Variants in SLC25A29 observed in about 807,000 individuals in gnomAD.
SLC25A29 encodes solute carrier family 25 member 29.
Under a neutral mutation model 10.0 loss-of-function variants are expected in SLC25A29, and 13 were observed. That is an observed-to-expected ratio of 1.30 (90% CI 0.85 to 2.07). The LOEUF (loss-of-function observed/expected upper bound fraction) is 2.07, where lower values mean the gene tolerates loss of function less well. SLC25A29 is among the 30% of genes most tolerant of loss of function. The pLI is 0.00. For synonymous variants in SLC25A29, 244 were observed against 221.1 expected (o/e 1.10, Z -0.92); for missense variants, 475 against 447.6 (o/e 1.06, Z -0.55).
the SLC25A29 span, chr14:100,281,061 CAAAAAAAAAAAA>C: frequency 2.6e-4 from 26 of 100,902 alleles, no homozygotes; most frequent in African/African-American, 1.2e-3. Flanking sequence ...CTCCGTCTCC[CAAAAAAAAAAAA>C]AAAAAAAAAA....
intron 1 of SLC25A29, among the ~76,000 whole-genome samples, chr14:100,304,411 C>T (rs1009501514): frequency 6.6e-6 from 1 of 152,314 alleles, no homozygotes; most frequent in South Asian, 2.1e-4. Flanking sequence ...TGCTTTAGTA[C>T]CCCCACCTCT....
At chr14:100,295,932 T>C in intron 2 of SLC25A29, 1 of 1,289,660 alleles carries the variant, frequency 7.8e-7, no homozygotes, top group Non-Finnish European at 1.0e-6. Context: ...TTCAGGACGG[T>C]GGCTGTGGTT....
At chr14:100,287,635 C>CT (rs1384166814), downstream of SLC25A29, among the ~76,000 whole-genome samples, 3 of 111,322 alleles carry the variant, frequency 2.7e-5, no homozygotes, top group Admixed American at 2.7e-4. Flanking sequence ...ACCACCCCCC[C>CT]CCTCCGAATT....
At chr14:100,288,524 C>T (rs900184245), downstream of SLC25A29, among the ~76,000 whole-genome samples, 3 of 152,068 alleles carry the variant, frequency 2.0e-5, no homozygotes, top group East Asian at 1.9e-4. Flanking sequence ...CCATGTGACC[C>T]GCCCTGGTGG....
At chr14:100,284,771 G>A in the SLC25A29 span, among the ~76,000 whole-genome samples, 1 of 152,224 alleles carries the variant, frequency 6.6e-6, no homozygotes, top group East Asian at 1.9e-4. Context: ...CGGACGCGGT[G>A]GCTCATGCCT....
At chr14:100,289,609 G>A (rs998369921), downstream of SLC25A29, among the ~76,000 whole-genome samples, 8 of 152,138 alleles carry the variant, frequency 5.3e-5, no homozygotes, top group African/African-American at 1.9e-4. Context: ...TTGGGAGGCT[G>A]AGGCGGGTGG....
At chr14:100,281,052 TC>T in the SLC25A29 span, 1 of 79,838 alleles carries the variant, frequency 1.3e-5, no homozygotes, top group African/African-American at 5.6e-5. Flanking sequence ...AGAGCAAGAC[TC>T]CGTCTCCCAA....
chr14:100,290,947 A>G (rs1203097497), downstream of SLC25A29, among the ~76,000 whole-genome samples: 1 of 152,262 alleles, frequency 6.6e-6, no homozygotes, highest in Non-Finnish European at 1.5e-5. Flanking sequence ...CTTGCCTTGC[A>G]GATGAGAAAA....
intron 2 of SLC25A29, chr14:100,298,518 C>G: frequency 2.3e-6 from 1 of 437,078 alleles, no homozygotes; most frequent in East Asian, 4.9e-5. Context: ...TATTTTCTCT[C>G]TGAACTTTTC....
chr14:100,292,645 C>T lies in SLC25A29; in HGVS notation c.550G>A (p.Gly184Ser), dbSNP rs767448757. 57 of 1,595,150 alleles carry T rather than the reference C, an allele frequency of 3.6e-5. No homozygotes were observed. The highest frequency in any genetic ancestry group is 1.3e-4 in the African/African-American group (10 of 74,678). ...AGCTTGGGCACCAGCAGGCGGTCGC[C>T]CGGCTCGCAGCCCAGCGCCCGCGTG... The part of the protein sequence containing the change: ...ALTRALGCEP[G>S]DRLLVPKLLL... Residue 184 changes from glycine to serine, a missense_variant, in exon 4 of 4, where the codon GGC becomes AGC. Gly to Ser is a moderately conservative substitution (Grantham distance 56, BLOSUM62 0). Transcript: ENST00000359232.
chr14:100,286,208 TTCAC>T (rs1891539405), downstream of SLC25A29, among the ~76,000 whole-genome samples: 1 of 152,128 alleles, frequency 6.6e-6, no homozygotes, highest in South Asian at 2.1e-4. Context: ...CACCCATTCA[TTCAC>T]TCATTCATTC....
At chr14:100,297,710 G>A (rs920736506) in intron 2 of SLC25A29, among the ~76,000 whole-genome samples, 4 of 152,224 alleles carry the variant, frequency 2.6e-5, no homozygotes, top group African/African-American at 9.6e-5. Context: ...GCCGCTGCCT[G>A]CCAAGAAAGC....
chr14:100,290,712 G>A (rs1164389279), downstream of SLC25A29, among the ~76,000 whole-genome samples: 1 of 152,154 alleles, frequency 6.6e-6, no homozygotes, highest in Non-Finnish European at 1.5e-5. Flanking sequence ...TCCTAGTTTG[G>A]GTTAAGTACA....
chr14:100,278,582 T>C, the SLC25A29 span: 2 of 152,372 alleles, frequency 1.3e-5, no homozygotes, highest in Non-Finnish European at 2.9e-5. Flanking sequence ...CAACTCAAGT[T>C]TCCTTTATTT....
At chr14:100,296,297 T>C (rs919099464) in intron 2 of SLC25A29, 11 of 302,446 alleles carry the variant, frequency 3.6e-5, no homozygotes, top group Non-Finnish European at 7.2e-5. Flanking sequence ...GGCATGGTGG[T>C]GTGTGCCTGT....
At chr14:100,302,886 T>C (rs1892659211) in intron 1 of SLC25A29, among the ~76,000 whole-genome samples, 1 of 152,162 alleles carries the variant, frequency 6.6e-6, no homozygotes, top group Non-Finnish European at 1.5e-5. Context: ...GGTGTGTCTT[T>C]TTCTTTAAAG....
chr14:100,287,179 T>A (rs1031983418), downstream of SLC25A29, among the ~76,000 whole-genome samples: 1 of 152,254 alleles, frequency 6.6e-6, no homozygotes, highest in Non-Finnish European at 1.5e-5. Flanking sequence ...CAAGGAGGCT[T>A]ATGCTCCATT....
downstream of SLC25A29, among the ~76,000 whole-genome samples, chr14:100,287,867 T>C (rs973974078): frequency 6.6e-6 from 1 of 152,042 alleles, no homozygotes; most frequent in Non-Finnish European, 1.5e-5. Flanking sequence ...ACAGGAATAG[T>C]GTGCTGAATG....
At chr14:100,301,870 C>T (rs764399989) in intron 1 of SLC25A29, among the ~76,000 whole-genome samples, 6 of 152,026 alleles carry the variant, frequency 3.9e-5, no homozygotes, top group South Asian at 2.1e-4. Flanking sequence ...GCCTCCCCCA[C>T]GACTCTCTGC....
Sources: gnomAD v4.1 joint callset for allele counts (sites outside exome capture counted in the v4.1 genomes callset) on GRCh38, gnomAD v4.1.1 for gene constraint, MANE v1.5 for transcripts, NCBI Gene and HGNC (gene_info 2026-07-23, HGNC 2026-07-21) for gene names.